Variants in CEP128 observed in about 807,000 individuals in gnomAD.
CEP128 encodes the protein centrosomal protein 128kDa.
In CEP128, 132 loss-of-function variants were observed where a neutral mutation model predicts 156.7. That is an observed-to-expected ratio of 0.84 (90% CI 0.73 to 0.97). The LOEUF is 0.97. CEP128 is among the 50% of genes least tolerant of loss of function. CEP128 has a pLI of 0.00. For synonymous variants in CEP128, 469 were observed against 448.9 expected (o/e 1.04, Z -0.57); for missense variants, 1,252 against 1,281.9 (o/e 0.98, Z 0.36).
chr14:80,841,940 T>A (rs764303549), intron 9 of CEP128, among the ~76,000 whole-genome samples: 53 of 151,860 alleles, frequency 3.5e-4, no homozygotes, highest in Non-Finnish European at 6.3e-4. Flanking sequence ...GGTAACAGAG[T>A]GAGACCCTCA....
chr14:80,881,354 A>C (rs977141681), intron 8 of CEP128, among the ~76,000 whole-genome samples: 1 of 152,198 alleles, frequency 6.6e-6, no homozygotes, highest in African/African-American at 2.4e-5. Flanking sequence ...AGACAGACAC[A>C]ACCTACAAAG....
rs775947013 is a variant in CEP128 at position 80,559,314 on chromosome 14, G to A, written c.2857-12C>T. On this transcript the variant is annotated splice_polypyrimidine_tract_variant and intron_variant, in intron 20 of 24. Transcript: ENST00000555265. ...GCAATTACACGGTCCTGCAAAGAAA[G>A]CATAATATATAATTATAAAACGAAG... The A allele has an allele frequency of 3.4e-5, 54 of 1,587,774 alleles. No homozygotes were observed. Among genetic ancestry groups the A allele is most frequent in the Non-Finnish European group, 4.4e-5 (52 of 1,169,724 alleles).
intron 21 of CEP128, 101 bp downstream of exon 21, chr14:80,559,178 C>T (rs1530771): frequency 6.6e-6 from 7 of 1,054,268 alleles, no homozygotes; most frequent in African/African-American, 1.6e-5. Context: ...ATGTAGTTTT[C>T]GAAATGATTT....
chr14:80,806,888 T>A (rs1265808720), intron 13 of CEP128, among the ~76,000 whole-genome samples: 3 of 152,114 alleles, frequency 2.0e-5, no homozygotes, highest in African/African-American at 7.2e-5. Flanking sequence ...TTGGCTTACA[T>A]CATTATAGAG....
At chr14:80,503,573 T>G (rs1887835219) in intron 24 of CEP128, among the ~76,000 whole-genome samples, 1 of 152,232 alleles carries the variant, frequency 6.6e-6, no homozygotes, top group Non-Finnish European at 1.5e-5. Context: ...GCTGTTTATC[T>G]CCAGGCTCTT....
At chr14:80,701,332 A>G (rs1225518254) in intron 19 of CEP128, among the ~76,000 whole-genome samples, 2 of 152,150 alleles carry the variant, frequency 1.3e-5, no homozygotes, top group African/African-American at 4.8e-5. Flanking sequence ...CTGAGGAATC[A>G]CACTGGACAC....
chr14:80,931,479 A>G (rs1175902199), intron 2 of CEP128, among the ~76,000 whole-genome samples: 1 of 152,232 alleles, frequency 6.6e-6, no homozygotes, highest in Admixed American at 6.5e-5. Flanking sequence ...GATGCAGAGC[A>G]CACACATCAT....
rs185298809 is a variant in CEP128 at position 80,928,112 on chromosome 14, G to A, written c.-16+11273C>T. Among the ~76,000 whole-genome samples the A allele has an allele frequency of 1.7e-4, 26 of 152,268 alleles. No homozygotes were observed. The East Asian group carries it at 5.0e-3, about 29-fold the overall frequency. The stretch of plus-strand genomic sequence containing the variant: ...TACATCCTCAAGGTGGGGCAGCGGG[G>A]AGAAGAAAGTTTTTAAAAATCCCTG... On this transcript the variant is annotated intron_variant, in intron 2 of 24. Coordinates refer to ENST00000555265, the MANE Select transcript of CEP128 (RefSeq NM_152446.5).
chr14:80,629,240 G>T (rs760831272), intron 19 of CEP128, among the ~76,000 whole-genome samples: 1 of 152,114 alleles, frequency 6.6e-6, no homozygotes, highest in Non-Finnish European at 1.5e-5. Flanking sequence ...GAGTTGTGTG[G>T]TCTTTGACAA....
At chr14:80,822,760 G>T in intron 13 of CEP128, 1 of 783,306 alleles carries the variant, frequency 1.3e-6, no homozygotes. Flanking sequence ...AAACAGACCA[G>T]GCACATAAAA....
intron 19 of CEP128, chr14:80,742,811 A>G: frequency 5.1e-6 from 2 of 394,798 alleles, no homozygotes; most frequent in Middle Eastern, 7.3e-4. Flanking sequence ...CATTTTACTA[A>G]GACAGAAGCA....
chr14:80,801,022 A>G (rs554057746), intron 13 of CEP128, among the ~76,000 whole-genome samples: 2 of 152,362 alleles, frequency 1.3e-5, no homozygotes, highest in South Asian at 4.1e-4. Flanking sequence ...ACCAAAAAAC[A>G]TATGGGCAAC....
chr14:80,641,145 C>T (rs1435335323), intron 19 of CEP128, among the ~76,000 whole-genome samples: 1 of 152,210 alleles, frequency 6.6e-6, no homozygotes, highest in East Asian at 1.9e-4. Flanking sequence ...CTTCTCTCTG[C>T]ATCCATAACC....
At chr14:80,686,168 A>T (rs969483877) in intron 19 of CEP128, among the ~76,000 whole-genome samples, 7 of 152,132 alleles carry the variant, frequency 4.6e-5, no homozygotes, top group African/African-American at 1.7e-4. Context: ...GACAATCTAT[A>T]GAATGGGAGA....
chr14:80,532,533 A>T (rs1889275471), intron 21 of CEP128, among the ~76,000 whole-genome samples: 1 of 152,168 alleles, frequency 6.6e-6, no homozygotes, highest in Non-Finnish European at 1.5e-5. Flanking sequence ...GGTTCAGGGT[A>T]GAGGCACATA....
intron 19 of CEP128, among the ~76,000 whole-genome samples, chr14:80,632,736 T>A (rs916072971): frequency 6.6e-6 from 1 of 152,144 alleles, no homozygotes; most frequent in Non-Finnish European, 1.5e-5. Flanking sequence ...CTTATGTGCA[T>A]ATCTCCTAGT....
chr14:80,723,367 A>G (rs1233734258), intron 19 of CEP128, among the ~76,000 whole-genome samples: 1 of 152,206 alleles, frequency 6.6e-6, no homozygotes, highest in Non-Finnish European at 1.5e-5. Flanking sequence ...AAATCAAAGA[A>G]AGATCCTTTA....
At chr14:80,815,071 GAAAC>G (rs1316315092) in intron 13 of CEP128, among the ~76,000 whole-genome samples, 2 of 150,756 alleles carry the variant, frequency 1.3e-5, no homozygotes, top group Non-Finnish European at 3.0e-5. Context: ...AAGGCAAAAA[GAAAC>G]AAACAAAAAA....
intron 7 of CEP128, among the ~76,000 whole-genome samples, chr14:80,897,841 C>T (rs1455113994): frequency 2.6e-5 from 4 of 152,118 alleles, no homozygotes; most frequent in Non-Finnish European, 1.5e-5. Context: ...TGCAGTGGCT[C>T]ATCTCAGCTC....
Sources: gnomAD v4.1 joint callset for allele counts (sites outside exome capture counted in the v4.1 genomes callset) on GRCh38, gnomAD v4.1.1 for gene constraint, MANE v1.5 for transcripts, NCBI Gene and HGNC (gene_info 2026-07-23, HGNC 2026-07-21) for gene names.